SLC44A5: variants seen among roughly 807,000 people sequenced by gnomAD.
The protein encoded by SLC44A5 is choline transporter-like protein 5.
A neutral mutation model predicts 101.8 loss-of-function variants in SLC44A5; 57 were observed. That is an observed-to-expected ratio of 0.56 (90% CI 0.45 to 0.70). The LOEUF (loss-of-function observed/expected upper bound fraction) is 0.70, where lower values mean the gene tolerates loss of function less well. Among genes scored for constraint, SLC44A5 ranks in the 30% least tolerant of loss-of-function variants. SLC44A5 has a pLI of 0.00. For missense variants in SLC44A5, 737 were observed against 853.1 expected, an observed-to-expected ratio of 0.86 and a Z score of 1.70; for synonymous variants, 281 against 290.9, an observed-to-expected ratio of 0.97 and a Z score of 0.35.
At chr1:75,717,426 C>A in the SLC44A5 span, among the ~76,000 whole-genome samples, 2 of 151,536 alleles carry the variant, frequency 1.3e-5, no homozygotes, top group East Asian at 3.9e-4. Context: ...TACACATGGA[C>A]ACAAAGAAGG....
In SLC44A5 at chr1:75,234,109, C is replaced by G; in HGVS notation, c.741-11G>C. 3 of 1,598,214 alleles carry G rather than the reference C, an allele frequency of 1.9e-6. No homozygotes were observed. The highest frequency in any genetic ancestry group is 2.6e-6 in the Non-Finnish European group (3 of 1,166,080). ...GCAATCGTCAGGCCACTAGAAAAAA[C>G]CCACAACAAACACAGTGGTCAAGTG... On this transcript the variant is annotated splice_polypyrimidine_tract_variant and intron_variant, in intron 11 of 23. Coordinates refer to ENST00000370859, the MANE Select transcript of SLC44A5 (RefSeq NM_001130058.2).
chr1:75,608,397 A>C (rs1453144022), intron 1 of SLC44A5, among the ~76,000 whole-genome samples: 2 of 151,720 alleles, frequency 1.3e-5, no homozygotes, highest in African/African-American at 4.8e-5. Flanking sequence ...CAGAAGAAGA[A>C]AATTTTTAAA....
chr1:75,253,214 G>A (rs558900804), intron 6 of SLC44A5, among the ~76,000 whole-genome samples: 1 of 152,310 alleles, frequency 6.6e-6, no homozygotes, highest in African/African-American at 2.4e-5. Context: ...GAACCAGAAA[G>A]GAAGAGAGGA....
At chr1:75,698,743 T>G in the SLC44A5 span, among the ~76,000 whole-genome samples, 23 of 152,088 alleles carry the variant, frequency 1.5e-4, no homozygotes, top group African/African-American at 5.6e-4. Flanking sequence ...GCAAAGAAGT[T>G]GAAAACTTTG....
At chr1:75,651,546 A>T in the SLC44A5 span, among the ~76,000 whole-genome samples, 1 of 151,752 alleles carries the variant, frequency 6.6e-6, no homozygotes, top group Non-Finnish European at 1.5e-5. Flanking sequence ...AAATACAAAA[A>T]ATTAGCTGGG....
At chr1:75,389,088 G>T (rs1010579694) in intron 3 of SLC44A5, among the ~76,000 whole-genome samples, 3 of 152,020 alleles carry the variant, frequency 2.0e-5, no homozygotes, top group African/African-American at 7.2e-5. Context: ...CAAAAAAAGG[G>T]TATTACATAA....
intron 2 of SLC44A5, among the ~76,000 whole-genome samples, chr1:75,482,609 A>C (rs948726532): frequency 1.3e-5 from 2 of 152,122 alleles, no homozygotes; most frequent in African/African-American, 4.8e-5. Context: ...TTGGACCATC[A>C]CTAAAATTCC....
chr1:75,329,828 CT>C (rs1432081952), intron 4 of SLC44A5, among the ~76,000 whole-genome samples: 1 of 152,208 alleles, frequency 6.6e-6, no homozygotes, highest in African/African-American at 2.4e-5. Context: ...ATGCCTACTC[CT>C]ATTTTTAAGC....
chr1:75,623,708 GTATAA>G, the SLC44A5 span, among the ~76,000 whole-genome samples: 1 of 152,038 alleles, frequency 6.6e-6, no homozygotes, highest in Non-Finnish European at 1.5e-5. Flanking sequence ...CAGAGAAATG[GTATAA>G]TATAATTTAC....
intron 5 of SLC44A5, among the ~76,000 whole-genome samples, chr1:75,290,041 T>G (rs1653404702): frequency 6.6e-6 from 1 of 152,216 alleles, no homozygotes; most frequent in Non-Finnish European, 1.5e-5. Context: ...ATTCAATGAT[T>G]TTGTAATAAA....
chr1:75,225,844 T>C (rs1035080453), intron 13 of SLC44A5, among the ~76,000 whole-genome samples: 18 of 152,220 alleles, frequency 1.2e-4, no homozygotes, highest in African/African-American at 4.8e-5. Context: ...GGTACATCTC[T>C]TTACTTTTCC....
At chr1:75,208,676 G>T (rs1292596027) in intron 23 of SLC44A5, among the ~76,000 whole-genome samples, 1 of 151,998 alleles carries the variant, frequency 6.6e-6, no homozygotes, top group East Asian at 1.9e-4. Flanking sequence ...GCATGTCCAG[G>T]GGTCTTGGAA....
At chr1:75,657,215 C>T in the SLC44A5 span, among the ~76,000 whole-genome samples, 1 of 151,874 alleles carries the variant, frequency 6.6e-6, no homozygotes, top group South Asian at 2.1e-4. Context: ...CTATATGCTG[C>T]CTACAAGAAA....
At chr1:75,636,158 G>A in the SLC44A5 span, among the ~76,000 whole-genome samples, 4 of 152,022 alleles carry the variant, frequency 2.6e-5, no homozygotes, top group Admixed American at 2.6e-4. Context: ...GTATGAGTGA[G>A]AACATGCGAT....
At chr1:75,512,676 T>G (rs1669629975) in intron 2 of SLC44A5, among the ~76,000 whole-genome samples, 1 of 152,160 alleles carries the variant, frequency 6.6e-6, no homozygotes, top group Non-Finnish European at 1.5e-5. Context: ...AGCGTAGTGA[T>G]CATAAGAGTA....
chr1:75,392,833 G>T (rs1383665788), intron 3 of SLC44A5, among the ~76,000 whole-genome samples: 6 of 152,120 alleles, frequency 3.9e-5, no homozygotes, highest in Admixed American at 1.3e-4. Context: ...CAAAAAGAGA[G>T]AAATTATGTC....
At chr1:75,420,051 T>A (rs1456982345) in intron 2 of SLC44A5, among the ~76,000 whole-genome samples, 1 of 152,082 alleles carries the variant, frequency 6.6e-6, no homozygotes, top group African/African-American at 2.4e-5. Flanking sequence ...AGAGCCTTCA[T>A]GAATGAGATT....
At chr1:75,293,568 A>T (rs1653737107) in intron 5 of SLC44A5, among the ~76,000 whole-genome samples, 1 of 152,228 alleles carries the variant, frequency 6.6e-6, no homozygotes, top group African/African-American at 2.4e-5. Flanking sequence ...AGCAATTTAC[A>T]AATGCAATGA....
At chr1:75,458,339 C>G (rs529822612) in intron 2 of SLC44A5, among the ~76,000 whole-genome samples, 5 of 152,250 alleles carry the variant, frequency 3.3e-5, no homozygotes, top group African/African-American at 9.6e-5. Flanking sequence ...AAGGAATGAG[C>G]TGACTATTGA....
Sources: allele counts gnomAD v4.1 joint callset (sites outside exome capture counted in the v4.1 genomes callset), GRCh38; gene constraint gnomAD v4.1.1; transcripts MANE v1.5; gene names NCBI Gene and HGNC (gene_info 2026-07-23, HGNC 2026-07-21).